Variants in CSGALNACT1 observed in about 807,000 individuals in gnomAD.
CSGALNACT1 encodes beta4GalNAcT-1.
In CSGALNACT1, 52 loss-of-function variants were observed where a neutral mutation model predicts 51.0. The ratio of observed to expected loss-of-function variants is 1.02; its 90% CI spans 0.82 to 1.29. The LOEUF (loss-of-function observed/expected upper bound fraction) is 1.29, where lower values mean the gene tolerates loss of function less well. Ranked by LOEUF, CSGALNACT1 falls within the 50% of genes most tolerant of loss-of-function variation. The pLI, the probability that CSGALNACT1 is intolerant of heterozygous loss-of-function variation, is 0.00. For missense variants in CSGALNACT1, 935 were observed against 679.2 expected (o/e 1.38, Z -4.19); for synonymous variants, 341 against 254.4 (o/e 1.34, Z -3.24).
At chr8:19,700,364 T>G (rs2061798179) in intron 1 of CSGALNACT1, among the ~76,000 whole-genome samples, 1 of 152,158 alleles carries the variant, frequency 6.6e-6, no homozygotes, top group South Asian at 2.1e-4. Flanking sequence ...CATGGTGTCC[T>G]TCCTTATTAA....
chr8:19,574,069 C>T (rs2043616276), intron 3 of CSGALNACT1, among the ~76,000 whole-genome samples: 1 of 152,192 alleles, frequency 6.6e-6, no homozygotes, highest in Non-Finnish European at 1.5e-5. Context: ...TACAAGTGCA[C>T]CATGATGCCT....
upstream of CSGALNACT1, among the ~76,000 whole-genome samples, chr8:19,603,738 G>A (rs375930752): frequency 1.3e-5 from 2 of 152,136 alleles, no homozygotes; most frequent in Non-Finnish European, 2.9e-5. Flanking sequence ...TCCATCACTG[G>A]CATGGTCTTT....
At chr8:19,712,674 C>A (rs902993977) in intron 1 of CSGALNACT1, among the ~76,000 whole-genome samples, 6 of 152,206 alleles carry the variant, frequency 3.9e-5, no homozygotes. Context: ...CACTGCGTTT[C>A]TTAAAATGCA....
intron 1 of CSGALNACT1, among the ~76,000 whole-genome samples, chr8:19,694,450 CAAAAAGTT>C (rs1452161389): frequency 6.6e-6 from 1 of 152,136 alleles, no homozygotes; most frequent in African/African-American, 2.4e-5. Context: ...ATTAATTTTT[CAAAAAGTT>C]AAAAAGTTAA....
At chr8:19,505,771 G>C (rs1206143415) in exon 4 of CSGALNACT1, 17 of 1,614,040 alleles carry the variant, frequency 1.1e-5, no homozygotes, top group Non-Finnish European at 1.4e-5. Context: ...GCACAGCAGA[G>C]GAGCACCAGC....
intron 1 of CSGALNACT1, among the ~76,000 whole-genome samples, chr8:19,693,196 A>G (rs1324488877): frequency 6.6e-6 from 1 of 152,134 alleles, no homozygotes; most frequent in Non-Finnish European, 1.5e-5. Context: ...GACCAGAGGA[A>G]GCCAGAGAAT....
At chr8:19,588,000 G>T (rs2047015201) in intron 3 of CSGALNACT1, 1 of 152,142 alleles carries the variant, frequency 6.6e-6, no homozygotes. Flanking sequence ...AGACCAGCCT[G>T]GTCAACGTTG....
intron 5 of CSGALNACT1, among the ~76,000 whole-genome samples, chr8:19,442,131 C>G (rs2061416979): frequency 6.6e-6 from 1 of 152,278 alleles, no homozygotes; most frequent in East Asian, 1.9e-4. Context: ...GGAATGTAAA[C>G]TAGTTCAACC....
rs375068438 is a variant in CSGALNACT1, at chr8:19,561,850, G to C, written c.-297+29310C>G. 1.4e-4 allele frequency among the ~76,000 whole-genome samples: 21 copies of C among 152,302 alleles called. No individual in the cohort carries two copies. In the East Asian group the frequency reaches 3.3e-3, roughly 24 times the overall value. Reference sequence around the variant, plus strand: ...GAAGAGGAGAAGTCAGTGGGGCCAGGAGGGTAAGAGGTAAGAGGAACACCT... The same window carrying C: ...GAAGAGGAGAAGTCAGTGGGGCCAGCAGGGTAAGAGGTAAGAGGAACACCT... On this transcript the variant is annotated intron_variant, in intron 3 of 9. Transcript: ENST00000454498.
chr8:19,560,699 A>T (rs908631627), intron 3 of CSGALNACT1, among the ~76,000 whole-genome samples: 12 of 152,226 alleles, frequency 7.9e-5, no homozygotes, highest in African/African-American at 2.4e-4. Flanking sequence ...TTCTGCAACA[A>T]AACAAAGTAT....
intron 3 of CSGALNACT1, among the ~76,000 whole-genome samples, chr8:19,584,751 C>A (rs2046279829): frequency 6.6e-6 from 1 of 152,128 alleles, no homozygotes; most frequent in African/African-American, 2.4e-5. Context: ...AGGCTGATAG[C>A]AGTACAAAGT....
At chr8:19,505,399 C>T (rs753400053) in exon 4 of CSGALNACT1, 22 of 1,614,138 alleles carry the variant, frequency 1.4e-5, no homozygotes, top group Non-Finnish European at 1.6e-5. Context: ...TCGAAAGGCA[C>T]TGCTGCATAC....
chr8:19,409,500 TAGAGAG>T (rs61540555), intron 8 of CSGALNACT1, among the ~76,000 whole-genome samples: 12 of 139,966 alleles, frequency 8.6e-5, no homozygotes, highest in Admixed American at 2.8e-4. Context: ...TATATATATA[TAGAGAG>T]AGAGAGAGAG....
intron 1 of CSGALNACT1, among the ~76,000 whole-genome samples, chr8:19,638,232 C>G (rs1268161750): frequency 4.0e-5 from 6 of 149,308 alleles, no homozygotes; most frequent in Non-Finnish European, 3.0e-5. Context: ...GCTCAAATGT[C>G]CGCTCCTGAG....
chr8:19,741,323 G>C (rs2154250038), intron 1 of CSGALNACT1, among the ~76,000 whole-genome samples: 1 of 152,176 alleles, frequency 6.6e-6, no homozygotes, highest in East Asian at 1.9e-4. Flanking sequence ...CCAGCACTTT[G>C]GCAGGCTGAG....
chr8:19,689,348 C>A (rs2061160466), intron 1 of CSGALNACT1, among the ~76,000 whole-genome samples: 1 of 152,216 alleles, frequency 6.6e-6, no homozygotes, highest in Non-Finnish European at 1.5e-5. Flanking sequence ...TGGACCCCAA[C>A]TGAGCTCTGG....
chr8:19,555,763 C>T (rs929256963), intron 3 of CSGALNACT1, among the ~76,000 whole-genome samples: 3 of 152,108 alleles, frequency 2.0e-5, no homozygotes, highest in African/African-American at 4.8e-5. Context: ...TGAAATCTAT[C>T]GTCACCTTAA....
rs143463394 is a variant in CSGALNACT1 at position 19,639,543 on chromosome 8, G to T, written c.-543-37678C>A. 2.0e-5 allele frequency among the ~76,000 whole-genome samples: 3 copies of T among 152,310 alleles called. No individual in the cohort carries two copies. The East Asian group carries it at 5.8e-4, about 29-fold the overall frequency. ...AGGGTACCCCCATCACTCTTGGTCA[G>T]GGCACATAGTTCCATAGCAGGACCA... On this transcript the variant is annotated intron_variant, in intron 1 of 9. Transcript: ENST00000332246.
intron 8 of CSGALNACT1, among the ~76,000 whole-genome samples, chr8:19,413,995 C>T (rs753840577): frequency 6.6e-5 from 10 of 152,138 alleles, no homozygotes; most frequent in Non-Finnish European, 1.0e-4. Context: ...GGGCTCAGGG[C>T]TTGCAGTGCT....
Sources: gnomAD v4.1 joint callset for allele counts (sites outside exome capture counted in the v4.1 genomes callset) on GRCh38, gnomAD v4.1.1 for gene constraint, MANE v1.5 for transcripts, NCBI Gene and HGNC (gene_info 2026-07-23, HGNC 2026-07-21) for gene names.